Variants in ZNF311 observed in about 807,000 individuals in gnomAD.
ZNF311 encodes the protein zinc finger protein zfp31.
In ZNF311, 14 loss-of-function variants were observed where a neutral mutation model predicts 22.7. That is an observed-to-expected ratio of 0.62 (90% CI 0.41 to 0.96). The LOEUF (loss-of-function observed/expected upper bound fraction) is 0.96, where lower values mean the gene tolerates loss of function less well. ZNF311 is among the 40% of genes least tolerant of loss of function. The pLI is 0.00. For synonymous variants in ZNF311, 250 were observed against 275.3 expected (o/e 0.91, Z 0.91); for missense variants, 731 against 799.0 (o/e 0.91, Z 1.03).
intron 6 of ZNF311, among the ~76,000 whole-genome samples, 162 bp downstream of exon 6, chr6:28,998,572 T>G (rs1043106000): frequency 1.3e-5 from 2 of 152,202 alleles, no homozygotes; most frequent in African/African-American, 2.4e-5. Context: ...ACAGAATAAT[T>G]GCCCAAATAG....
chr6:28,999,372 T>G (rs1387497658), intron 5 of ZNF311, 115 bp downstream of exon 5: 1 of 1,079,688 alleles, frequency 9.3e-7, no homozygotes, highest in East Asian at 3.1e-5. Flanking sequence ...GGCAAGATCC[T>G]GATGATAAAG....
chr6:28,997,546 T>G (rs1015066618), intron 6 of ZNF311, among the ~76,000 whole-genome samples: 1 of 152,210 alleles, frequency 6.6e-6, no homozygotes, highest in African/African-American at 2.4e-5. Flanking sequence ...AATTGCTATA[T>G]CCCTCAAACA....
In ZNF311 at chr6:28,996,286, T is replaced by G. The variant is rs764108843; in HGVS notation, c.716A>C (p.Lys239Thr). The change falls in exon 7 of 7, where the codon AAA (lysine) becomes ACA (threonine). Residue 239 changes from lysine to threonine, a missense_variant. Lys to Thr is a moderately conservative substitution (Grantham distance 78). Coordinates refer to ENST00000377179, the MANE Select transcript of ZNF311 (RefSeq NM_001382360.1). ...ATGGAGTTTCTGTGCTATAAGAACT[T>G]TATTACATTGACTATGTTTTGAGTT... Reference protein sequence around the residue: ...NPNSKHSQCNKVLIAQKLHEC... With the variant: ...NPNSKHSQCNTVLIAQKLHEC... 6.2e-6 allele frequency: 10 copies of G among 1,613,058 alleles called. No homozygotes were observed. Among genetic ancestry groups the G allele is most frequent in the Non-Finnish European group, 8.5e-6 (10 of 1,180,046 alleles).
chr6:29,000,832 A>C (rs1243371463), intron 3 of ZNF311, among the ~76,000 whole-genome samples: 2 of 151,008 alleles, frequency 1.3e-5, no homozygotes, highest in East Asian at 3.9e-4. Context: ...GCTGGAGTGC[A>C]GTGGCGTGAT....
rs755710340 is a variant in ZNF311 at position 28,996,460 on chromosome 6, A to C, written c.542T>G (p.Val181Gly). ...LLKVDSRDPKVREVCVQDVKL... is the reference protein window; with the variant it reads ...LLKVDSRDPKGREVCVQDVKL... ...GACATCCTGAACACAAACTTCTCTA[A>C]CCTTAGGATCCCGGGAATCAACTTT... The change falls in exon 7 of 7, where the codon GTT becomes GGT. Residue 181 changes from valine (V) to glycine (G), a missense_variant. Val to Gly is a moderately radical substitution (Grantham distance 109, BLOSUM62 -3). Coordinates refer to ENST00000377179, the MANE Select transcript of ZNF311 (RefSeq NM_001382360.1). The C allele has an allele frequency of 1.7e-5, 27 of 1,609,192 alleles. No homozygotes were observed. Among genetic ancestry groups the C allele is most frequent in the South Asian group, 1.5e-4 (14 of 91,070 alleles).
intron 3 of ZNF311, 129 bp downstream of exon 3, chr6:29,003,384 T>C (rs1780720221): frequency 1.3e-6 from 1 of 769,824 alleles, no homozygotes. Context: ...AGAAACAAAA[T>C]AAGACTTTCT....
At chr6:29,000,816 T>G (rs1448730723) in intron 3 of ZNF311, among the ~76,000 whole-genome samples, 2 of 151,762 alleles carry the variant, frequency 1.3e-5, no homozygotes, top group Non-Finnish European at 2.9e-5. Context: ...TCGCTCTGTC[T>G]CCCAGGCTGG....
chr6:28,994,986 C>T lies in ZNF311; in HGVS notation c.*15G>A. The T allele has an allele frequency of 6.4e-7, 1 of 1,571,522 alleles. No homozygotes were observed. Among genetic ancestry groups the T allele is most frequent in the Non-Finnish European group, 8.6e-7 (1 of 1,160,846 alleles). ...GAGGTAGGAAAAACAGAAAGTAACA[C>T]CAGAATCGTTATACTCAGGCACTGG... On this transcript the variant is annotated 3_prime_UTR_variant, in exon 7 of 7. Coordinates refer to ENST00000377179, the MANE Select transcript of ZNF311 (RefSeq NM_001382360.1).
chr6:28,996,016 T>G lies in ZNF311; in HGVS notation c.986A>C (p.Lys329Thr). 6.2e-7 allele frequency: 1 copy of G among 1,613,606 alleles called. No individual in the cohort carries two copies. The highest frequency in any genetic ancestry group is 1.1e-5 in the South Asian group (1 of 91,080). The change falls in exon 7 of 7, where the codon AAG becomes ACG. Residue 329 changes from lysine to threonine, a missense_variant. Transcript: ENST00000377179. ...CRHKKTHSGE[K>T]PHECRDCGKA... ...CCCACAGTCCCTGCACTCGTGAGGC[T>G]TCTCCCCACTGTGGGTTTTTTTATG...
intron 6 of ZNF311, 88 bp downstream of exon 6, chr6:28,998,646 C>G: frequency 1.1e-6 from 1 of 899,316 alleles, no homozygotes; most frequent in Non-Finnish European, 1.7e-6. Context: ...CTGGGCCCTT[C>G]GACTGGATGA....
In ZNF311 at chr6:28,996,602, A is replaced by G; in HGVS notation, c.416-16T>C. ...TCAGCTGACACTTAAACAAGAAAAT[A>G]CAAATGTCAGAGGGAAGGAAATAAG... On this transcript the variant is annotated splice_polypyrimidine_tract_variant and intron_variant, in intron 6 of 6. Transcript: ENST00000377179. 1.3e-6 allele frequency: 2 copies of G among 1,570,770 alleles called. No individual in the cohort carries two copies. The highest frequency in any genetic ancestry group is 1.7e-6 in the Non-Finnish European group (2 of 1,168,502).
In ZNF311 at chr6:28,996,031, GT is replaced by G; in HGVS notation, c.970del (p.Thr324ProfsTer83). The G allele has an allele frequency of 6.2e-7, 1 of 1,613,338 alleles. No homozygotes were observed. Among genetic ancestry groups the G allele is most frequent in the Non-Finnish European group, 8.5e-7 (1 of 1,180,018 alleles). On this transcript the variant is annotated frameshift_variant, in exon 7 of 7. Coordinates refer to ENST00000377179, the MANE Select transcript of ZNF311 (RefSeq NM_001382360.1). LOFTEE classifies it low-confidence loss of function (END_TRUNC). ...CTCGTGAGGCTTCTCCCCACTGTGG[GT>G]TTTTTTATGTCGGCAAAGAGCTGAT... is the stretch of plus-strand genomic sequence containing the variant. Reference protein sequence around the residue: ...SRSALCRHKKTHSGEKPHECR... With the variant: ...SRSALCRHKKXHSGEKPHECR...
Position 28,999,956 on chromosome 6 carries a change from T to C in ZNF311, c.183A>G (p.Gln61=), listed in dbSNP as rs780987777. 8 of 1,612,658 alleles carry C rather than the reference T, an allele frequency of 5.0e-6. No individual in the cohort carries two copies. In the Admixed American group the frequency reaches 1.2e-4, roughly 24 times the overall value. ...QADITLMSQA[Q]ESVTFEDVAV... ...GAGGAGGAAAGGGGCCTCAGCTCACTTGGGCCTGGCTCATTAGTGTGATAT... is the reference window on the plus strand; with the variant it reads ...GAGGAGGAAAGGGGCCTCAGCTCACCTGGGCCTGGCTCATTAGTGTGATAT... The change falls in exon 4 of 7, where the codon CAA becomes CAG. Residue 61 remains glutamine, a splice_region_variant and synonymous_variant. Transcript: ENST00000377179.
chr6:28,999,812 T>TG, intron 4 of ZNF311, 144 bp downstream of exon 4: 2 of 1,215,898 alleles, frequency 1.6e-6, no homozygotes, highest in Non-Finnish European at 2.3e-6. Flanking sequence ...AACCCACAAG[T>TG]GGTTTATCAT....
chr6:28,998,900 C>T (rs1447940904), intron 5 of ZNF311, 62 bp from the exon 6 acceptor site: 25 of 1,132,644 alleles, frequency 2.2e-5, no homozygotes, highest in Non-Finnish European at 2.9e-5. Context: ...TATAACTTAG[C>T]TAAGCAGCCC....
intron 1 of ZNF311, among the ~76,000 whole-genome samples, 165 bp downstream of exon 1, chr6:29,004,843 G>A (rs1051040910): frequency 6.6e-6 from 1 of 151,948 alleles, no homozygotes; most frequent in Non-Finnish European, 1.5e-5. Flanking sequence ...TTTCATCTTA[G>A]GGCCTTTCCA....
chr6:28,994,819 G>T lies in ZNF311; in HGVS notation c.*182C>A. ...TAAGTGTTTATTAATATTAGGAAGT[G>T]ATTGATAAACTCTTGGAAGTAAATG... On this transcript the variant is annotated 3_prime_UTR_variant, in exon 7 of 7. Transcript: ENST00000377179. 1 of 648,766 alleles carries T rather than the reference G, an allele frequency of 1.5e-6. No homozygotes were observed. Among genetic ancestry groups the T allele is most frequent in the Non-Finnish European group, 2.5e-6 (1 of 395,072 alleles). 40.2% of individuals were successfully genotyped at this position (648,766 alleles called of 1,614,324 possible).
rs757942341 is a variant in ZNF311 at position 28,995,979 on chromosome 6, C to G, written c.1023G>C (p.Lys341Asn). The change falls in exon 7 of 7, where the codon AAG becomes AAC. Residue 341 changes from lysine (K) to asparagine (N), a missense_variant. Transcript: ENST00000377179. This position sits in a 1 kb window ranked among gnomAD's most constrained non-coding sequence, Gnocchi z 4.7. Reference protein sequence around the residue: ...HECRDCGKAFKTRNRLCMHQL... With the variant: ...HECRDCGKAFNTRNRLCMHQL... ...GATGCATACAGAGACGGTTCCTGGT[C>G]TTGAAGGCCTTCCCACAGTCCCTGC... is the stretch of plus-strand genomic sequence containing the variant. 1 of 1,613,648 alleles carries G rather than the reference C, an allele frequency of 6.2e-7. No homozygotes were observed. The highest frequency in any genetic ancestry group is 2.2e-5 in the East Asian group (1 of 44,872).
Position 29,004,153 on chromosome 6 carries a change from A to G in ZNF311, c.-199T>C. 1 of 1,466,232 alleles carries G rather than the reference A, an allele frequency of 6.8e-7. No individual in the cohort carries two copies. Among genetic ancestry groups the G allele is most frequent in the African/African-American group, 1.4e-5 (1 of 70,844 alleles). The allele number at this position is 1,466,232 out of a possible 1,614,324, so 90.8% of individuals were successfully genotyped here. ...TACTGTTTGGCTTAATGTGTCAAAC[A>G]CTGCCCTGGATTTGGGGTTCATTAG... On this transcript the variant is annotated 5_prime_UTR_variant, in exon 2 of 7. Coordinates refer to ENST00000377179, the MANE Select transcript of ZNF311 (RefSeq NM_001382360.1).
Sources: gnomAD v4.1 joint callset for allele counts (sites outside exome capture counted in the v4.1 genomes callset) on GRCh38, gnomAD v4.1.1 for gene constraint, Gnocchi (gnomAD v3.1) non-coding constraint, MANE v1.5 for transcripts, NCBI Gene and HGNC (gene_info 2026-07-23, HGNC 2026-07-21) for gene names.